The following IRAG2 variants were observed in gnomAD, a reference collection of about 807,000 sequenced individuals.
IRAG2 encodes lymphoid restricted membrane protein.
IRAG2 carries 45 observed loss-of-function variants against 69.9 expected under a neutral mutation model. That is an observed-to-expected ratio of 0.64 (90% CI 0.51 to 0.83). The LOEUF is 0.83. IRAG2 is among the 40% of genes least tolerant of loss of function. IRAG2 has a pLI of 0.00. For synonymous variants in IRAG2, 193 were observed against 202.4 expected (o/e 0.95, Z 0.40); for missense variants, 520 against 587.0 (o/e 0.89, Z 1.18).
upstream of IRAG2, among the ~76,000 whole-genome samples, chr12:25,048,559 A>C (rs1944816516): frequency 6.6e-6 from 1 of 152,064 alleles, no homozygotes; most frequent in Non-Finnish European, 1.5e-5. Flanking sequence ...AGCCTCCCAA[A>C]GTGCTGGGAT....
intron 6 of IRAG2, among the ~76,000 whole-genome samples, chr12:25,073,038 A>C (rs184123905): frequency 1.3e-5 from 2 of 152,344 alleles, no homozygotes; most frequent in East Asian, 3.8e-4. Flanking sequence ...ATAATGGATT[A>C]AGAGTGGGGA....
chr12:25,010,472 CAAACA>C (rs1271026614), intron 2 of IRAG2, among the ~76,000 whole-genome samples: 1 of 89,338 alleles, frequency 1.1e-5, no homozygotes, highest in African/African-American at 3.8e-5. Flanking sequence ...TGTCAAAAAA[CAAACA>C]AAAAAAAAAA....
intron 1 of IRAG2, among the ~76,000 whole-genome samples, chr12:25,060,668 C>A (rs796295685): frequency 1.0e-5 from 1 of 99,278 alleles, no homozygotes; most frequent in South Asian, 3.2e-4. Context: ...AATGTATTTT[C>A]TTTTTTTTTT....
exon 3 of IRAG2, chr12:25,011,452 T>G: frequency 8.1e-7 from 1 of 1,231,704 alleles, no homozygotes; most frequent in Non-Finnish European, 1.0e-6. Flanking sequence ...CTTGAGCAGT[T>G]GTGGAACATG....
intron 7 of IRAG2, among the ~76,000 whole-genome samples, chr12:25,021,888 C>A (rs1944583907): frequency 6.6e-6 from 1 of 152,162 alleles, no homozygotes; most frequent in Non-Finnish European, 1.5e-5. Flanking sequence ...TCATTGAATG[C>A]CAGGTCTTTT....
In IRAG2 at chr12:25,083,705, G is replaced by C. The variant is rs181614607; in HGVS notation, c.315+212G>C. 1.8e-4 allele frequency among the ~76,000 whole-genome samples: 27 copies of C among 152,282 alleles called. No individual in the cohort carries two copies. In the East Asian group the frequency reaches 2.9e-3, roughly 16 times the overall value. On this transcript the variant is annotated intron_variant, in intron 10 of 21. Coordinates refer to ENST00000556887, the MANE Select transcript of IRAG2 (RefSeq NM_001366544.2). Reference sequence around the variant, plus strand: ...AGTCACACAACAGGATCAGAACTAGGATCTCCTAGCTCCACCTTAATTTAT... The same window carrying C: ...AGTCACACAACAGGATCAGAACTAGCATCTCCTAGCTCCACCTTAATTTAT...
intron 14 of IRAG2, among the ~76,000 whole-genome samples, chr12:25,036,270 T>C (rs1944701385): frequency 6.6e-6 from 1 of 151,620 alleles, no homozygotes; most frequent in African/African-American, 2.4e-5. Flanking sequence ...CATTTTACAT[T>C]TTGTACATTT....
intron 6 of IRAG2, among the ~76,000 whole-genome samples, chr12:25,078,045 T>C (rs1193502729): frequency 6.6e-6 from 1 of 152,206 alleles, no homozygotes; most frequent in Non-Finnish European, 1.5e-5. Context: ...GAGAAGACAC[T>C]GTATTTAGTT....
chr12:25,009,812 A>G (rs1033174720), intron 2 of IRAG2, among the ~76,000 whole-genome samples: 4 of 152,186 alleles, frequency 2.6e-5, no homozygotes, highest in African/African-American at 9.7e-5. Context: ...CAGGAAAAAA[A>G]AAAAAATCAA....
intron 6 of IRAG2, chr12:25,020,704 G>T (rs1261816889): frequency 5.6e-6 from 3 of 535,424 alleles, no homozygotes; most frequent in Non-Finnish European, 8.5e-6. Flanking sequence ...TTCAACTTGG[G>T]TCCAAAATAG....
chr12:25,060,835 A>ATT (rs5797116), intron 1 of IRAG2, among the ~76,000 whole-genome samples: 1 of 144,492 alleles, frequency 6.9e-6, no homozygotes, highest in Non-Finnish European at 1.5e-5. Context: ...TAATTTTTGT[A>ATT]TTTTTTTTTT....
chr12:25,105,271 T>A (rs1308926337), intron 20 of IRAG2, among the ~76,000 whole-genome samples: 1 of 151,862 alleles, frequency 6.6e-6, no homozygotes, highest in Non-Finnish European at 1.5e-5. Flanking sequence ...AGAGACGGGG[T>A]TTCACTGTGT....
rs531671195 is a variant in IRAG2, at chr12:25,023,486, A to G, written c.1333-385A>G. ...TGCTCATATGTTGTGATGATGTTGC[A>G]TCTGAGAATATCCACAGCTTCAAAT... On this transcript the variant is annotated intron_variant, in intron 7 of 38. Transcript: ENST00000636465. Among the ~76,000 whole-genome samples the G allele has an allele frequency of 2.0e-5, 3 of 152,254 alleles. No individual in the cohort carries two copies. In the South Asian group the frequency reaches 6.2e-4, roughly 32 times the overall value.
At chr12:25,031,376 G>T (rs1169719786) in intron 10 of IRAG2, among the ~76,000 whole-genome samples, 1 of 152,086 alleles carries the variant, frequency 6.6e-6, no homozygotes, top group East Asian at 1.9e-4. Flanking sequence ...CTAGCCACAG[G>T]ATAAAATTAG....
At chr12:25,055,926 T>A (rs1267395718) in intron 1 of IRAG2, among the ~76,000 whole-genome samples, 1 of 152,210 alleles carries the variant, frequency 6.6e-6, no homozygotes, top group Admixed American at 6.5e-5. Context: ...TGTTCCCATC[T>A]GACGTGAAAT....
At chr12:25,045,955 T>C (rs143352886) in intron 16 of IRAG2, among the ~76,000 whole-genome samples, 24 of 151,454 alleles carry the variant, frequency 1.6e-4, no homozygotes, top group Non-Finnish European at 2.7e-4. Flanking sequence ...CCCCTGATGA[T>C]GCAAAATCCT....
chr12:25,028,972 A>G (rs887291884), intron 9 of IRAG2, among the ~76,000 whole-genome samples: 1 of 152,212 alleles, frequency 6.6e-6, no homozygotes, highest in Non-Finnish European at 1.5e-5. Flanking sequence ...ATCATAGTTC[A>G]CTGCAGCCTT....
intron 1 of IRAG2, chr12:25,005,180 A>AT: frequency 3.7e-6 from 3 of 817,430 alleles, no homozygotes; most frequent in Non-Finnish European, 4.9e-6. Context: ...AAAAAAAAAA[A>AT]GGAAAATTAA....
intron 3 of IRAG2, among the ~76,000 whole-genome samples, chr12:25,013,523 G>A (rs1166330523): frequency 6.6e-6 from 1 of 152,094 alleles, no homozygotes; most frequent in African/African-American, 2.4e-5. Flanking sequence ...GAGAAGTAAT[G>A]TAACTTTAAG....
Sources: allele counts gnomAD v4.1 joint callset (sites outside exome capture counted in the v4.1 genomes callset), GRCh38; gene constraint gnomAD v4.1.1; transcripts MANE v1.5; gene names NCBI Gene and HGNC (gene_info 2026-07-23, HGNC 2026-07-21).